The following MGAT4C variants were observed in gnomAD, a reference collection of about 807,000 sequenced individuals.
The protein encoded by MGAT4C is MGAT4 family member C, also known as alpha-1,3-mannosyl-glycoprotein 4-beta-N-acetylglucosaminyltransferase C.
Under a neutral mutation model 40.1 loss-of-function variants are expected in MGAT4C, and 19 were observed. That is an observed-to-expected ratio of 0.47 (90% CI 0.33 to 0.70). The LOEUF (loss-of-function observed/expected upper bound fraction) is 0.70, where lower values mean the gene tolerates loss of function less well. Among genes scored for constraint, MGAT4C ranks in the 30% least tolerant of loss-of-function variants. The pLI, the probability that MGAT4C is intolerant of heterozygous loss-of-function variation, is 0.02. For missense variants in MGAT4C, 491 were observed against 563.2 expected (o/e 0.87, Z 1.30); for synonymous variants, 181 against 187.1 (o/e 0.97, Z 0.27).
At chr12:86,147,390 C>G (rs961526876) in intron 1 of MGAT4C, among the ~76,000 whole-genome samples, 1 of 152,092 alleles carries the variant, frequency 6.6e-6, no homozygotes, top group Non-Finnish European at 1.5e-5. Flanking sequence ...TACAGGCACC[C>G]GCCACCACGC....
At chr12:86,770,027 AAAAG>A (rs1384819358) in intron 1 of MGAT4C, among the ~76,000 whole-genome samples, 1 of 142,964 alleles carries the variant, frequency 7.0e-6, no homozygotes, top group Non-Finnish European at 1.6e-5. Context: ...ATAAAATAAA[AAAAG>A]AATGACATTA....
intron 1 of MGAT4C, among the ~76,000 whole-genome samples, chr12:86,099,390 G>T (rs1397674681): frequency 2.1e-5 from 3 of 146,284 alleles, no homozygotes; most frequent in African/African-American, 7.5e-5. Flanking sequence ...TCTTTTGGGG[G>T]GGGGCAAAAG....
chr12:86,717,120 C>T (rs1950655961), intron 2 of MGAT4C, among the ~76,000 whole-genome samples: 2 of 151,590 alleles, frequency 1.3e-5, no homozygotes, highest in South Asian at 4.2e-4. Context: ...ACTTCCTCTG[C>T]CTTAGAGCAC....
At chr12:86,314,853 A>G (rs1314837312) in intron 4 of MGAT4C, among the ~76,000 whole-genome samples, 2 of 152,236 alleles carry the variant, frequency 1.3e-5, no homozygotes, top group Non-Finnish European at 2.9e-5. Flanking sequence ...CAGGTTGCTT[A>G]AACAAATGGA....
intron 1 of MGAT4C, among the ~76,000 whole-genome samples, chr12:86,059,733 G>T (rs1225871164): frequency 6.6e-6 from 1 of 152,184 alleles, no homozygotes; most frequent in East Asian, 1.9e-4. Flanking sequence ...ATTACAAGGA[G>T]CTAAAGTGAG....
intron 1 of MGAT4C, among the ~76,000 whole-genome samples, chr12:86,150,601 A>C (rs2135766250): frequency 6.6e-6 from 1 of 152,322 alleles, no homozygotes; most frequent in Non-Finnish European, 1.5e-5. Context: ...TCAAAGAAAC[A>C]AAACCTGGAA....
chr12:86,712,134 A>G (rs1019230049), intron 2 of MGAT4C, among the ~76,000 whole-genome samples: 2 of 152,156 alleles, frequency 1.3e-5, no homozygotes, highest in Admixed American at 1.3e-4. Context: ...AATAAATTTA[A>G]TATTGTAATA....
intron 3 of MGAT4C, among the ~76,000 whole-genome samples, chr12:86,397,544 A>C (rs1431453906): frequency 2.6e-5 from 4 of 152,106 alleles, no homozygotes; most frequent in Admixed American, 2.6e-4. Context: ...CCCTATATCT[A>C]GTGTAGATAT....
At chr12:86,570,397 T>A (rs1345404689) in intron 2 of MGAT4C, among the ~76,000 whole-genome samples, 1 of 152,072 alleles carries the variant, frequency 6.6e-6, no homozygotes, top group Non-Finnish European at 1.5e-5. Flanking sequence ...TAGATTCAAT[T>A]TTTTTGTCTA....
chr12:85,984,201 T>C (rs1368349337), intron 3 of MGAT4C, among the ~76,000 whole-genome samples: 1 of 152,176 alleles, frequency 6.6e-6, no homozygotes, highest in Non-Finnish European at 1.5e-5. Context: ...TTTTGATACT[T>C]TATTAAATAA....
At chr12:86,018,662 T>G (rs1266816140) in intron 2 of MGAT4C, among the ~76,000 whole-genome samples, 1 of 152,176 alleles carries the variant, frequency 6.6e-6, no homozygotes, top group Non-Finnish European at 1.5e-5. Context: ...TAAGAGCACA[T>G]GTAATTGTTT....
chr12:86,220,636 AG>A (rs1411976721), intron 1 of MGAT4C, among the ~76,000 whole-genome samples: 1 of 152,086 alleles, frequency 6.6e-6, no homozygotes, highest in East Asian at 1.9e-4. Context: ...TTGCCTCTCT[AG>A]TATATGTTTT....
chr12:85,994,036 G>A (rs1886303175), intron 2 of MGAT4C, among the ~76,000 whole-genome samples: 1 of 152,184 alleles, frequency 6.6e-6, no homozygotes, highest in African/African-American at 2.4e-5. Flanking sequence ...GGGAGGGCGA[G>A]GCTCCTGCCT....
At chr12:86,827,260 T>C (rs1449336891) in intron 1 of MGAT4C, among the ~76,000 whole-genome samples, 1 of 151,354 alleles carries the variant, frequency 6.6e-6, no homozygotes, top group Non-Finnish European at 1.5e-5. Context: ...GATGGAGCAT[T>C]TAATTAGAAT....
At chr12:86,568,710 G>C (rs1370006397) in intron 2 of MGAT4C, among the ~76,000 whole-genome samples, 1 of 151,796 alleles carries the variant, frequency 6.6e-6, no homozygotes, top group African/African-American at 2.4e-5. Context: ...AAACAGCATG[G>C]TATTGGTATA....
At chr12:86,312,362 G>C (rs1364707069) in intron 4 of MGAT4C, among the ~76,000 whole-genome samples, 2 of 152,206 alleles carry the variant, frequency 1.3e-5, no homozygotes, top group African/African-American at 4.8e-5. Flanking sequence ...GAAAATGCCA[G>C]CATAATAGCT....
intron 1 of MGAT4C, among the ~76,000 whole-genome samples, chr12:86,792,058 C>A (rs1952031848): frequency 6.6e-6 from 1 of 152,080 alleles, no homozygotes. Flanking sequence ...ACAACGTTGA[C>A]AGAAAAATAG....
At chr12:86,087,229 A>G (rs1285542869) in intron 1 of MGAT4C, among the ~76,000 whole-genome samples, 1 of 152,022 alleles carries the variant, frequency 6.6e-6, no homozygotes, top group Admixed American at 6.6e-5. Flanking sequence ...AGTGTTTTTG[A>G]AGAACCTCAA....
intron 1 of MGAT4C, among the ~76,000 whole-genome samples, chr12:86,833,478 T>C (rs968553096): frequency 1.3e-5 from 2 of 151,890 alleles, no homozygotes; most frequent in Non-Finnish European, 2.9e-5. Flanking sequence ...AGCAGGGTTG[T>C]ATGCTTCTGA....
Sources: allele counts gnomAD v4.1 joint callset (sites outside exome capture counted in the v4.1 genomes callset), GRCh38; gene constraint gnomAD v4.1.1; transcripts MANE v1.5; gene names NCBI Gene and HGNC (gene_info 2026-07-23, HGNC 2026-07-21).